Variants in IQCB1 observed in about 807,000 individuals in gnomAD.
IQCB1 encodes IQ motif containing B1.
A neutral mutation model predicts 84.4 loss-of-function variants in IQCB1; 56 were observed. The ratio of observed to expected loss-of-function variants is 0.66; its 90% confidence interval spans 0.54 to 0.83. The LOEUF is 0.83. Ranked by LOEUF, IQCB1 falls within the 40% of genes least tolerant of loss-of-function variation. The probability of loss-of-function intolerance (pLI) is 0.00; values close to 1 mark genes in which losing one functional copy is unlikely to be tolerated. For missense variants in IQCB1, 629 were observed against 682.1 expected (o/e 0.92, Z 0.87); for synonymous variants, 210 against 234.8 (o/e 0.89, Z 0.96).
At chr3:121,771,187 G>C (rs1473992602) in intron 14 of IQCB1, among the ~76,000 whole-genome samples, 2 of 151,640 alleles carry the variant, frequency 1.3e-5, no homozygotes, top group Non-Finnish European at 2.9e-5. Flanking sequence ...GGTCAGGCTG[G>C]TCTCGAACTC....
chr3:121,809,089 G>A, intron 5 of IQCB1, 80 bp from the exon 6 acceptor site: 1 of 759,104 alleles, frequency 1.3e-6, no homozygotes, highest in Non-Finnish European at 2.2e-6. Context: ...TTCTCTCTGG[G>A]GAGTTAGAGG....
Position 121,770,561 on chromosome 3 carries a change from C to A in IQCB1, c.1581G>T (p.Leu527=). ...CAGGTTCTTTCCCTTCTGCCTCCTT[C>A]AGACTTGGTGCCTCTGTAGTGGACA... is the stretch of plus-strand genomic sequence containing the variant. ...NVEQLMKAPS[L]KEAEGKEPEL... is the part of the protein sequence containing the mutation. The change falls in exon 15 of 15, where the codon CTG becomes CTT. Residue 527 remains leucine, a synonymous_variant. Transcript: ENST00000310864. 6.2e-7 allele frequency: 1 copy of A among 1,613,282 alleles called. No homozygotes were observed. The highest frequency in any genetic ancestry group is 1.1e-5 in the South Asian group (1 of 91,030).
At chr3:121,798,362 A>G (rs1949280101) in intron 8 of IQCB1, among the ~76,000 whole-genome samples, 1 of 151,974 alleles carries the variant, frequency 6.6e-6, no homozygotes, top group Non-Finnish European at 1.5e-5. Context: ...GTTAATAAGT[A>G]TATTTAATGA....
At chr3:121,820,883 T>G (rs1470397451) in intron 5 of IQCB1, among the ~76,000 whole-genome samples, 1 of 151,976 alleles carries the variant, frequency 6.6e-6, no homozygotes, top group Non-Finnish European at 1.5e-5. Flanking sequence ...TAAAATGGTC[T>G]CTTCTTCCGC....
chr3:121,820,946 G>A (rs961939766), intron 5 of IQCB1, among the ~76,000 whole-genome samples: 32 of 147,236 alleles, frequency 2.2e-4, no homozygotes, highest in African/African-American at 7.2e-4. Context: ...CTTCACTATC[G>A]TAGAATCAAG....
chr3:121,816,990 C>G (rs957308428), intron 5 of IQCB1, among the ~76,000 whole-genome samples: 7 of 152,146 alleles, frequency 4.6e-5, no homozygotes, highest in Non-Finnish European at 1.0e-4. Context: ...TTTACAACAG[C>G]AAAGTCTTGG....
rs191794751 is a variant in IQCB1, at chr3:121,789,682, C to T, written c.1129+391G>A. 4.3e-4 allele frequency among the ~76,000 whole-genome samples: 66 copies of T among 152,266 alleles called. 1 individual carries two copies. Among genetic ancestry groups the T allele is most frequent in the African/African-American group, 1.4e-3 (60 of 41,530 alleles). ...TAATTTCAGCTTAGTCTGTCAAAGGCGGCAAGAAGATGTCACAACATTTGT... is the reference window on the plus strand; with the variant it reads ...TAATTTCAGCTTAGTCTGTCAAAGGTGGCAAGAAGATGTCACAACATTTGT... On this transcript the variant is annotated intron_variant, in intron 11 of 14. Transcript: ENST00000310864.
intron 2 of IQCB1, among the ~76,000 whole-genome samples, chr3:121,833,613 A>C (rs1346413493): frequency 6.6e-6 from 1 of 152,242 alleles, no homozygotes; most frequent in Non-Finnish European, 1.5e-5. Flanking sequence ...GGGAAAGAAA[A>C]GTATGTTTAT....
intron 5 of IQCB1, among the ~76,000 whole-genome samples, chr3:121,813,111 T>C (rs1350158821): frequency 6.6e-6 from 1 of 151,718 alleles, no homozygotes; most frequent in Non-Finnish European, 1.5e-5. Context: ...TGGGGGCCAA[T>C]AATCTACACT....
intron 12 of IQCB1, among the ~76,000 whole-genome samples, chr3:121,786,198 A>AGGAAG (rs1948726115): frequency 7.0e-6 from 1 of 142,604 alleles, no homozygotes; most frequent in African/African-American, 2.8e-5. Flanking sequence ...AAGAAAAGAA[A>AGGAAG]AGAAAAGAAA....
chr3:121,784,885 G>A (rs1004102275), intron 12 of IQCB1, among the ~76,000 whole-genome samples: 2 of 152,014 alleles, frequency 1.3e-5, no homozygotes, highest in Non-Finnish European at 2.9e-5. Flanking sequence ...TGTGTCCTAA[G>A]CTGGTCTCAA....
intron 12 of IQCB1, among the ~76,000 whole-genome samples, chr3:121,783,104 A>G (rs902461074): frequency 1.3e-5 from 2 of 152,188 alleles, no homozygotes; most frequent in Admixed American, 1.3e-4. Flanking sequence ...TTCCCTGAAA[A>G]GTTTGCTGAT....
intron 7 of IQCB1, among the ~76,000 whole-genome samples, chr3:121,805,896 C>A (rs1342109951): frequency 6.6e-6 from 1 of 152,100 alleles, no homozygotes; most frequent in African/African-American, 2.4e-5. Flanking sequence ...CTCTAGTTAT[C>A]TTGTTCTCTC....
At chr3:121,821,783 C>T (rs1032201363) in intron 5 of IQCB1, among the ~76,000 whole-genome samples, 1 of 152,156 alleles carries the variant, frequency 6.6e-6, no homozygotes, top group African/African-American at 2.4e-5. Flanking sequence ...CAAAGGCACA[C>T]AGACATGATC....
intron 5 of IQCB1, among the ~76,000 whole-genome samples, chr3:121,811,489 C>T (rs1032369014): frequency 3.3e-5 from 5 of 152,210 alleles, no homozygotes; most frequent in South Asian, 2.1e-4. Context: ...CCCACTCCCA[C>T]GGAGACCAGC....
intron 6 of IQCB1, among the ~76,000 whole-genome samples, chr3:121,807,881 A>C (rs1474963966): frequency 6.6e-6 from 1 of 152,000 alleles, no homozygotes; most frequent in African/African-American, 2.4e-5. Context: ...TTATATAATA[A>C]TGAATACGCT....
chr3:121,787,279 A>AG (rs11385481), intron 12 of IQCB1, among the ~76,000 whole-genome samples: 97,764 of 151,870 alleles, frequency 0.64, 31,943 homozygotes, highest in African/African-American at 0.72. Flanking sequence ...AAATTCAGTA[A>AG]GGATTGTTAA....
intron 13 of IQCB1, among the ~76,000 whole-genome samples, chr3:121,776,063 TA>T (rs1252183197): frequency 4.6e-5 from 7 of 152,160 alleles, no homozygotes; most frequent in African/African-American, 1.7e-4. Flanking sequence ...TCTTTTTCTT[TA>T]AAAATTTTTT....
intron 10 of IQCB1, among the ~76,000 whole-genome samples, chr3:121,791,784 C>T (rs368171484): frequency 3.3e-5 from 5 of 152,206 alleles, no homozygotes; most frequent in East Asian, 3.8e-4. Flanking sequence ...TCCTTTTAAA[C>T]TGATTTTTAA....
Sources: allele counts gnomAD v4.1 joint callset (sites outside exome capture counted in the v4.1 genomes callset), GRCh38; gene constraint gnomAD v4.1.1; transcripts MANE v1.5; gene names NCBI Gene and HGNC (gene_info 2026-07-23, HGNC 2026-07-21).